The following SYT9 variants were observed in gnomAD, a reference collection of about 807,000 sequenced individuals.
SYT9 encodes the protein synaptotagmin-9.
SYT9 carries 22 observed loss-of-function variants against 48.4 expected under a neutral mutation model. The observed-to-expected ratio is 0.45, with a 90% CI of 0.32 to 0.65. SYT9 has a LOEUF of 0.65. SYT9 is among the 30% of genes least tolerant of loss of function. The probability of loss-of-function intolerance (pLI) is 0.03; values close to 1 mark genes in which losing one functional copy is unlikely to be tolerated. For synonymous variants in SYT9, 265 were observed against 245.0 expected (o/e 1.08, Z -0.76); for missense variants, 577 against 622.0 (o/e 0.93, Z 0.77).
chr11:7,339,277 A>G (rs889345657), intron 3 of SYT9, among the ~76,000 whole-genome samples: 2 of 152,150 alleles, frequency 1.3e-5, no homozygotes, highest in Non-Finnish European at 2.9e-5. Context: ...TGAAGACAGC[A>G]TGTCCTTGGG....
chr11:7,413,746 G>A (rs1847185625), intron 3 of SYT9, among the ~76,000 whole-genome samples: 1 of 144,940 alleles, frequency 6.9e-6, no homozygotes. Flanking sequence ...ATAGCTGCCT[G>A]TTGTTTGTTT....
rs773175125 is a variant in SYT9, at chr11:7,313,823, A to G, written c.926A>G (p.Asp309Gly). Reference protein sequence around the residue: ...EARKLHFSVYDFDRFSRHDLI... With the variant: ...EARKLHFSVYGFDRFSRHDLI... ...CGGAAGCTTCACTTCTCTGTGTACG[A>G]CTTTGACAGGTTCTCTCGTCATGAC... Residue 309 changes from aspartate to glycine, a missense_variant, in exon 3 of 7, where the codon GAC (aspartate) becomes GGC (glycine). Physicochemically the swap from Asp to Gly is moderately conservative, Grantham distance 94. Transcript: ENST00000318881. The G allele has an allele frequency of 9.3e-6, 15 of 1,614,080 alleles. No homozygotes were observed. The highest frequency in any genetic ancestry group is 1.0e-5 in the Non-Finnish European group (12 of 1,180,036).
chr11:7,334,061 G>A (rs748415389), intron 3 of SYT9, among the ~76,000 whole-genome samples: 10 of 152,276 alleles, frequency 6.6e-5, no homozygotes, highest in Middle Eastern at 6.8e-3. Context: ...TGAGACAAAA[G>A]GATAGTTAGG....
chr11:7,299,276 T>C (rs1433494818), intron 1 of SYT9, among the ~76,000 whole-genome samples: 1 of 152,148 alleles, frequency 6.6e-6, no homozygotes, highest in Non-Finnish European at 1.5e-5. Context: ...AAGTATGGCC[T>C]TAGTGATTCC....
At chr11:7,320,778 G>A (rs1407663228) in intron 3 of SYT9, among the ~76,000 whole-genome samples, 1 of 152,214 alleles carries the variant, frequency 6.6e-6, no homozygotes, top group Admixed American at 6.5e-5. Context: ...CAATTATTGA[G>A]TGTAAAAATG....
intron 6 of SYT9, among the ~76,000 whole-genome samples, chr11:7,463,313 A>T (rs1014358536): frequency 1.3e-5 from 2 of 152,104 alleles, no homozygotes; most frequent in Non-Finnish European, 2.9e-5. Context: ...ACAAAATCCC[A>T]CTGGGTCAAT....
intron 3 of SYT9, among the ~76,000 whole-genome samples, chr11:7,358,885 A>G (rs973439565): frequency 6.6e-6 from 1 of 152,064 alleles, no homozygotes; most frequent in Non-Finnish European, 1.5e-5. Flanking sequence ...GTTTTAGGGT[A>G]CATGTGCACA....
At chr11:7,277,143 A>C (rs1848412416) in intron 1 of SYT9, among the ~76,000 whole-genome samples, 1 of 152,196 alleles carries the variant, frequency 6.6e-6, no homozygotes, top group Admixed American at 6.5e-5. Flanking sequence ...TCACTGAGGG[A>C]AAGGACTGTG....
chr11:7,410,754 T>G (rs1285231204), intron 3 of SYT9, among the ~76,000 whole-genome samples: 1 of 152,234 alleles, frequency 6.6e-6, no homozygotes, highest in East Asian at 1.9e-4. Context: ...AGGTAAAGTG[T>G]ATTTGTTGTA....
At chr11:7,286,499 T>G (rs761917496) in intron 1 of SYT9, among the ~76,000 whole-genome samples, 5 of 152,226 alleles carry the variant, frequency 3.3e-5, no homozygotes, top group African/African-American at 4.8e-5. Context: ...CTGACATGCC[T>G]TGGAGACATT....
chr11:7,324,554 G>C (rs986474067), intron 3 of SYT9, among the ~76,000 whole-genome samples: 2 of 151,734 alleles, frequency 1.3e-5, no homozygotes, highest in African/African-American at 4.8e-5. Flanking sequence ...TTGAAGTAGT[G>C]CTTTAGCTTT....
chr11:7,418,742 A>G lies in SYT9; in HGVS notation c.1337+614A>G, dbSNP rs113999952. On this transcript the variant is annotated intron_variant, in intron 5 of 6. Transcript: ENST00000318881. Reference sequence around the variant, plus strand: ...TTAATACAGCACAGAAGAGATATTTATAGCCTGCATTGTAGCCAATTGTGT... The same window carrying G: ...TTAATACAGCACAGAAGAGATATTTGTAGCCTGCATTGTAGCCAATTGTGT... Among the ~76,000 whole-genome samples, 219 of 152,362 alleles carry G rather than the reference A, an allele frequency of 1.4e-3. 1 individual carries two copies. The highest frequency in any genetic ancestry group is 4.9e-3 in the African/African-American group (204 of 41,584).
chr11:7,421,750 A>T (rs1847358495), intron 6 of SYT9, among the ~76,000 whole-genome samples: 1 of 152,236 alleles, frequency 6.6e-6, no homozygotes, highest in Non-Finnish European at 1.5e-5. Context: ...AGCTACAGAA[A>T]ATACAGATAT....
chr11:7,371,337 C>G (rs772283806), intron 3 of SYT9, among the ~76,000 whole-genome samples: 1 of 152,030 alleles, frequency 6.6e-6, no homozygotes, highest in Admixed American at 6.6e-5. Context: ...GGAGCATAGA[C>G]TATCTCCACT....
intron 3 of SYT9, among the ~76,000 whole-genome samples, chr11:7,316,839 A>G (rs1849251929): frequency 6.6e-6 from 1 of 152,214 alleles, no homozygotes; most frequent in Admixed American, 6.5e-5. Context: ...TGTATGCAAA[A>G]TGATATATTA....
intron 6 of SYT9, among the ~76,000 whole-genome samples, chr11:7,451,233 A>ATGC (rs1377565936): frequency 6.6e-6 from 1 of 152,228 alleles, no homozygotes; most frequent in Admixed American, 6.5e-5. Flanking sequence ...AAAATTTATT[A>ATGC]ACAGAAAGCC....
intron 3 of SYT9, among the ~76,000 whole-genome samples, chr11:7,348,870 G>A (rs1849854249): frequency 6.6e-6 from 1 of 151,722 alleles, no homozygotes; most frequent in Non-Finnish European, 1.5e-5. Flanking sequence ...CATTCTAGCA[G>A]TTACAGAAAT....
intron 1 of SYT9, among the ~76,000 whole-genome samples, chr11:7,263,158 G>T (rs990513620): frequency 6.6e-6 from 1 of 152,130 alleles, no homozygotes; most frequent in Non-Finnish European, 1.5e-5. Flanking sequence ...TAGTCCATTT[G>T]CACTGCCCTA....
chr11:7,358,054 A>G (rs188152207), intron 3 of SYT9, among the ~76,000 whole-genome samples: 1 of 152,192 alleles, frequency 6.6e-6, no homozygotes, highest in Non-Finnish European at 1.5e-5. Context: ...TACTCTAAAA[A>G]AGTATAAAAG....
Sources: allele counts gnomAD v4.1 joint callset (sites outside exome capture counted in the v4.1 genomes callset), GRCh38; gene constraint gnomAD v4.1.1; transcripts MANE v1.5; gene names NCBI Gene and HGNC (gene_info 2026-07-23, HGNC 2026-07-21).